WNT2: variants seen among roughly 807,000 people sequenced by gnomAD.
WNT2 encodes protein Wnt-2.
Under a neutral mutation model 36.9 loss-of-function variants are expected in WNT2, and 12 were observed. The observed-to-expected ratio is 0.33, with a 90% CI of 0.21 to 0.53. WNT2 has a LOEUF of 0.53. WNT2 is among the 20% of genes least tolerant of loss of function. WNT2 has a pLI of 0.95. For synonymous variants in WNT2, 163 were observed against 174.6 expected, an observed-to-expected ratio of 0.93 and a Z score of 0.52; for missense variants, 379 against 473.1, an observed-to-expected ratio of 0.80 and a Z score of 1.84.
Position 117,295,557 on chromosome 7 carries a change from A to G in WNT2, c.853+2055T>C, listed in dbSNP as rs113350073. Among the ~76,000 whole-genome samples the G allele has an allele frequency of 6.5e-3, 993 of 152,362 alleles. 8 individuals carry two copies. The highest frequency in any genetic ancestry group is 0.011 in the Non-Finnish European group (718 of 68,038). ...ATACCTGTTATACCTAAGGCAGTAC[A>G]TATTCCTCAGGTACACCAGCCTGCT... On this transcript the variant is annotated intron_variant, in intron 4 of 4. Transcript: ENST00000265441.
chr7:117,309,759 C>A (rs1044780305), intron 3 of WNT2, among the ~76,000 whole-genome samples: 10 of 152,250 alleles, frequency 6.6e-5, no homozygotes, highest in African/African-American at 1.9e-4. Context: ...AAACTAAGAG[C>A]TCCCAATGAG....
chr7:117,319,849 T>C (rs1795292895), intron 2 of WNT2, among the ~76,000 whole-genome samples: 1 of 152,196 alleles, frequency 6.6e-6, no homozygotes, highest in African/African-American at 2.4e-5. Context: ...CTATCCTCCA[T>C]AGCTATCCTT....
chr7:117,298,888 C>A (rs1224830899), intron 3 of WNT2, among the ~76,000 whole-genome samples: 1 of 152,160 alleles, frequency 6.6e-6, no homozygotes, highest in East Asian at 1.9e-4. Flanking sequence ...AGGTGACTTG[C>A]CCAAGCTCAG....
At chr7:117,308,558 A>G (rs1262571996) in intron 3 of WNT2, among the ~76,000 whole-genome samples, 1 of 152,236 alleles carries the variant, frequency 6.6e-6, no homozygotes. Context: ...TTTGGGGTCC[A>G]ACAAGACAGA....
Position 117,315,055 on chromosome 7 carries a change from C to G in WNT2, c.588+16G>C. On this transcript the variant is annotated intron_variant, in intron 3 of 4. Transcript: ENST00000265441. ...GCCATGCAGCCTACAAAATGAGCAC[C>G]GTTGCATTTCCATACCTTCCTGCCA... The G allele has an allele frequency of 6.2e-7, 1 of 1,612,278 alleles. No homozygotes were observed. Among genetic ancestry groups the G allele is most frequent in the Non-Finnish European group, 8.5e-7 (1 of 1,178,956 alleles).
chr7:117,300,326 A>G lies in WNT2; in HGVS notation c.589-2450T>C, dbSNP rs149734382. On this transcript the variant is annotated intron_variant, in intron 3 of 4. Coordinates refer to ENST00000265441, the MANE Select transcript of WNT2 (RefSeq NM_003391.3). Reference sequence around the variant, plus strand: ...CTCAGCCTCCCGAATAGCTGGGACTACAGGCGCGGGTCACCACGCCTGGCT... The same window carrying G: ...CTCAGCCTCCCGAATAGCTGGGACTGCAGGCGCGGGTCACCACGCCTGGCT... Among the ~76,000 whole-genome samples the G allele has an allele frequency of 6.4e-3, 968 of 152,250 alleles. 8 individuals are homozygous for G. Among genetic ancestry groups the G allele is most frequent in the Non-Finnish European group, 0.011 (746 of 68,002 alleles).
At chr7:117,305,436 T>C (rs879734487) in intron 3 of WNT2, among the ~76,000 whole-genome samples, 5 of 152,204 alleles carry the variant, frequency 3.3e-5, no homozygotes, top group African/African-American at 4.8e-5. Flanking sequence ...AAAAAAGTTC[T>C]TTTATCCTTG....
chr7:117,311,173 C>T (rs898581929), intron 3 of WNT2, among the ~76,000 whole-genome samples: 9 of 152,150 alleles, frequency 5.9e-5, no homozygotes, highest in Non-Finnish European at 8.8e-5. Flanking sequence ...CGATGACTGG[C>T]AGTTAGGTTT....
chr7:117,310,284 G>A (rs768626411), intron 3 of WNT2, among the ~76,000 whole-genome samples: 2 of 152,082 alleles, frequency 1.3e-5, no homozygotes, highest in Non-Finnish European at 2.9e-5. Flanking sequence ...GACTCTCCAG[G>A]CTGGGTGCCG....
Position 117,297,880 on chromosome 7 carries a change from C to T in WNT2, c.589-4G>A. ...GTTTCAAGAACCGCTTTACAGCCTG[C>T]CGAAAAAGACAGGGGCAAGTTCAGT... is the stretch of plus-strand genomic sequence containing the variant. On this transcript the variant is annotated splice_polypyrimidine_tract_variant and splice_region_variant and intron_variant, in intron 3 of 4. Coordinates refer to ENST00000265441, the MANE Select transcript of WNT2 (RefSeq NM_003391.3). 4 of 1,602,646 alleles carry T rather than the reference C, an allele frequency of 2.5e-6. No homozygotes were observed. Among genetic ancestry groups the T allele is most frequent in the Non-Finnish European group, 3.4e-6 (4 of 1,171,846 alleles).
At chr7:117,297,354 A>AT (rs1283526115) in intron 4 of WNT2, among the ~76,000 whole-genome samples, 3 of 151,944 alleles carry the variant, frequency 2.0e-5, no homozygotes, top group African/African-American at 4.8e-5. Context: ...AATTTTTTGC[A>AT]TTTTTGGTAG....
At chr7:117,310,020 TCCTC>T (rs1795091981) in intron 3 of WNT2, among the ~76,000 whole-genome samples, 1 of 152,072 alleles carries the variant, frequency 6.6e-6, no homozygotes, top group African/African-American at 2.4e-5. Flanking sequence ...GCTCAAGTGA[TCCTC>T]CCACCTCAGC....
At chr7:117,319,452 T>C (rs561445002) in intron 2 of WNT2, among the ~76,000 whole-genome samples, 51 of 150,312 alleles carry the variant, frequency 3.4e-4, no homozygotes, top group Admixed American at 8.6e-4. Flanking sequence ...AGGGCTGTGA[T>C]GATTACATGA....
Position 117,277,167 on chromosome 7 carries a change from C to A in WNT2, c.*988G>T, listed in dbSNP as rs1261372491. On this transcript the variant is annotated 3_prime_UTR_variant, in exon 5 of 5. Coordinates refer to ENST00000265441, the MANE Select transcript of WNT2 (RefSeq NM_003391.3). ...GCATTTTAGTTCACCAATCTTGTAT[C>A]CCCAAAATTTTCATCCTTCAAGTCT... 7.7e-6 allele frequency: 1 copy of A among 129,254 alleles called. No individual in the cohort carries two copies. Among genetic ancestry groups the A allele is most frequent in the East Asian group, 2.0e-4 (1 of 4,972 alleles). The allele number at this position is 129,254 out of a possible 1,614,324, so 8.0% of individuals were successfully genotyped here.
intron 4 of WNT2, among the ~76,000 whole-genome samples, chr7:117,295,233 T>C (rs959503575): frequency 9.9e-5 from 15 of 152,202 alleles, no homozygotes; most frequent in African/African-American, 3.6e-4. Flanking sequence ...AGGGAAAATC[T>C]TTAACCTCTT....
In WNT2 at chr7:117,277,106, C is replaced by T. The variant is rs1794393476; in HGVS notation, c.*1049G>A. On this transcript the variant is annotated 3_prime_UTR_variant, in exon 5 of 5. Transcript: ENST00000265441. Reference sequence around the variant, plus strand: ...AGGCATCTGCTTATTGTAAGGCCGCCCCAGGCACGAGTTAGCTCTGGAAAC... The same window carrying T: ...AGGCATCTGCTTATTGTAAGGCCGCTCCAGGCACGAGTTAGCTCTGGAAAC... The T allele has an allele frequency of 6.6e-6, 1 of 152,608 alleles. No individual in the cohort carries two copies. The allele number at this position is 152,608 out of a possible 1,614,324, so 9.5% of individuals were successfully genotyped here. A position where few individuals can be genotyped will look rare whatever the true frequency, so the allele number is the denominator to read the frequency against.
rs115507026 is a variant in WNT2 at position 117,285,745 on chromosome 7, G to A, written c.854-7361C>T. 6.3e-3 allele frequency among the ~76,000 whole-genome samples: 960 copies of A among 152,320 alleles called. 13 individuals carry two copies. The highest frequency in any genetic ancestry group is 0.022 in the African/African-American group (903 of 41,566). ...ATGTTTGTTCTACAAAATCATTCAT[G>A]TTGGTTTATAATGTTATTTCTTATT... is the stretch of plus-strand genomic sequence containing the variant. On this transcript the variant is annotated intron_variant, in intron 4 of 4. Coordinates refer to ENST00000265441, the MANE Select transcript of WNT2 (RefSeq NM_003391.3).
chr7:117,302,781 C>T (rs541552247), intron 3 of WNT2, among the ~76,000 whole-genome samples: 84 of 152,132 alleles, frequency 5.5e-4, no homozygotes, highest in African/African-American at 1.8e-3. Context: ...GAAAGTCAAG[C>T]GATAAAAGCA....
At position 117,320,575 on chromosome 7, in the gene WNT2, A is replaced by C; in HGVS notation, c.302T>G (p.Leu101Arg). The C allele has an allele frequency of 6.2e-7, 1 of 1,613,314 alleles. No homozygotes were observed. Among genetic ancestry groups the C allele is most frequent in the Non-Finnish European group, 8.5e-7 (1 of 1,179,692 alleles). Residue 101 changes from leucine (L) to arginine (R), a missense_variant, in exon 2 of 5, where the codon CTA (leucine) becomes CGA (arginine). Physicochemically the swap from Leu to Arg is moderately radical, Grantham distance 102. Coordinates refer to ENST00000265441, the MANE Select transcript of WNT2 (RefSeq NM_003391.3). The part of the protein sequence containing the change: ...DRDHSLFGRV[L>R]LRSSRESAFV... ...GAAGGCAGGAGACTTACTTCGGAGT[A>C]GGACCCTGCCAAAAAGGCTGTGATC...
Sources: allele counts gnomAD v4.1 joint callset (sites outside exome capture counted in the v4.1 genomes callset), GRCh38; gene constraint gnomAD v4.1.1; transcripts MANE v1.5; gene names NCBI Gene and HGNC (gene_info 2026-07-23, HGNC 2026-07-21).